STARD9: variants seen among roughly 807,000 people sequenced by gnomAD.
STARD9 encodes the protein stAR-related lipid transfer protein 9.
Under a neutral mutation model 399.8 loss-of-function variants are expected in STARD9, and 346 were observed. The ratio of observed to expected loss-of-function variants is 0.87; its 90% confidence interval spans 0.79 to 0.95. The LOEUF (loss-of-function observed/expected upper bound fraction) is 0.95. Ranked by LOEUF, STARD9 falls within the 40% of genes least tolerant of loss-of-function variation. The probability of loss-of-function intolerance (pLI) is 0.00; values close to 1 mark genes in which losing one functional copy is unlikely to be tolerated. For missense variants in STARD9, 5,832 were observed against 5,667.5 expected (o/e 1.03, Z -0.93); for synonymous variants, 2,203 against 2,143.5 (o/e 1.03, Z -0.77).
chr15:42,635,066 G>T (rs369108934), intron 4 of STARD9, 94 bp downstream of exon 4: 16 of 605,966 alleles, frequency 2.6e-5, no homozygotes, highest in African/African-American at 1.7e-4. Context: ...ATTTCTGTAG[G>T]CAGTCAACTT....
chr15:42,593,208 G>A (rs1290476726), intron 3 of STARD9, among the ~76,000 whole-genome samples: 1 of 152,116 alleles, frequency 6.6e-6, no homozygotes, highest in African/African-American at 2.4e-5. Context: ...TTCTGAATCT[G>A]GTTATGATCC....
rs776100140 is a variant in STARD9, at chr15:42,663,820, C to T, written c.1079C>T (p.Thr360Met). Residue 360 changes from threonine to methionine, a missense_variant and splice_region_variant, in exon 13 of 33, where the codon ACG becomes ATG. Around this residue, in one of 2 missense-constraint regions of STARD9, gnomAD observed 5,828 missense variants for 5,651.1 expected, o/e 1.03. Transcript: ENST00000290607. Reference sequence around the variant, plus strand: ...TTTAAACTTTCTCCTTCTACCTCAGCGGTGTCTCCTGCACACACTAGCTAC... The same window carrying T: ...TTTAAACTTTCTCCTTCTACCTCAGTGGTGTCTCCTGCACACACTAGCTAC... ...GGNSKTIMVA[T>M]VSPAHTSYSE... is the part of the protein sequence containing the mutation. 43 of 1,534,016 alleles carry T rather than the reference C, an allele frequency of 2.8e-5. No homozygotes were observed. The highest frequency in any genetic ancestry group is 1.7e-4 in the Middle Eastern group (1 of 6,008).
intron 7 of STARD9, among the ~76,000 whole-genome samples, chr15:42,650,580 T>C (rs1445268345): frequency 1.3e-5 from 2 of 152,218 alleles, no homozygotes; most frequent in African/African-American, 2.4e-5. Flanking sequence ...TAACTTACCA[T>C]GATTGTAAAC....
chr15:42,587,121 G>T (rs2058292374), intron 3 of STARD9, among the ~76,000 whole-genome samples: 1 of 152,086 alleles, frequency 6.6e-6, no homozygotes, highest in African/African-American at 2.4e-5. Context: ...CTACCAAAGT[G>T]CTGGAATTAT....
chr15:42,662,269 A>G (rs2140097111), intron 10 of STARD9, among the ~76,000 whole-genome samples: 1 of 152,376 alleles, frequency 6.6e-6, no homozygotes, highest in East Asian at 1.9e-4. Context: ...AGAAAGGGTA[A>G]GATGAAATAA....
In STARD9 at chr15:42,637,192, T is replaced by G. The variant is rs2059436826; in HGVS notation, c.352-715T>G. 2.0e-5 allele frequency among the ~76,000 whole-genome samples: 3 copies of G among 152,106 alleles called. No individual in the cohort carries two copies. The South Asian group carries it at 6.2e-4, about 32-fold the overall frequency. The stretch of plus-strand genomic sequence containing the variant: ...GAAACTACCTCTTTCTAAATGTGTT[T>G]TTTTGCTGTTGTTGTTTTTGTTGTT... On this transcript the variant is annotated intron_variant, in intron 4 of 32. Coordinates refer to ENST00000290607, the MANE Select transcript of STARD9 (RefSeq NM_020759.3).
intron 7 of STARD9, among the ~76,000 whole-genome samples, chr15:42,642,996 G>A (rs1265635962): frequency 6.7e-6 from 1 of 149,926 alleles, no homozygotes; most frequent in East Asian, 1.9e-4. Context: ...TAGAGATGGA[G>A]TCTAGCTATG....
intron 7 of STARD9, among the ~76,000 whole-genome samples, chr15:42,641,981 C>A (rs769974629): frequency 6.6e-6 from 1 of 152,168 alleles, no homozygotes; most frequent in Non-Finnish European, 1.5e-5. Flanking sequence ...AGTAGTCACA[C>A]TGAACTATGT....
chr15:42,695,272 T>A lies in STARD9; in HGVS notation c.13095T>A (p.Thr4365=). The A allele has an allele frequency of 5.2e-6, 8 of 1,537,052 alleles. No homozygotes were observed. The highest frequency in any genetic ancestry group is 7.0e-6 in the Non-Finnish European group (8 of 1,146,774). The stretch of plus-strand genomic sequence containing the variant: ...CCCGAGACCAACTGCGGGAGCGGAC[T>A]GAACAAGAGAAGCTGAGAATCCACC... The part of the protein sequence containing the change: ...ARARDQLRER[T]EQEKLRIHQK... The change falls in exon 25 of 33, where the codon ACT becomes ACA. Residue 4365 remains threonine (T), a synonymous_variant. Transcript: ENST00000290607.
intron 6 of STARD9, among the ~76,000 whole-genome samples, 195 bp from the exon 7 acceptor site, chr15:42,638,505 C>G (rs968404895): frequency 6.6e-6 from 1 of 151,652 alleles, no homozygotes; most frequent in Non-Finnish European, 1.5e-5. Context: ...GACTCTGTCT[C>G]AAAAATAAAA....
At position 42,652,596 on chromosome 15, in the gene STARD9, G is replaced by A. The variant is rs772453213; in HGVS notation, c.702+4G>A. ...TTTCACGATCCACTACACGCAGGTT[G>A]GTAACTCCTTATGTTTGGTGAGATT... On this transcript the variant is annotated splice_donor_region_variant and intron_variant, in intron 9 of 32. Transcript: ENST00000290607. The A allele has an allele frequency of 6.5e-7, 1 of 1,536,992 alleles. No homozygotes were observed.
chr15:42,606,398 A>G (rs1253238305), intron 3 of STARD9, among the ~76,000 whole-genome samples: 1 of 152,222 alleles, frequency 6.6e-6, no homozygotes, highest in Non-Finnish European at 1.5e-5. Context: ...AATATAGAAC[A>G]TGTGTTTTCA....
At chr15:42,705,177 A>G (rs1227494673) in intron 26 of STARD9, among the ~76,000 whole-genome samples, 4 of 152,192 alleles carry the variant, frequency 2.6e-5, no homozygotes, top group African/African-American at 7.2e-5. Context: ...TCCTTCTGCC[A>G]TGTGGGCGGT....
In STARD9 at chr15:42,603,636, C is replaced by G. The variant is rs1364771684; in HGVS notation, c.234+17999C>G. On this transcript the variant is annotated intron_variant, in intron 3 of 32. Transcript: ENST00000290607. ...ATCAGTCTCCCCAAATATGTGGAGA[C>G]GAGGGTTTTTAAAGGATAGTTTTGC... Among the ~76,000 whole-genome samples, 3 of 151,824 alleles carry G rather than the reference C, an allele frequency of 2.0e-5. No individual in the cohort carries two copies. The South Asian group carries it at 6.2e-4, about 31-fold the overall frequency.
At chr15:42,710,289 C>G (rs1221392671) in intron 26 of STARD9, among the ~76,000 whole-genome samples, 1 of 150,898 alleles carries the variant, frequency 6.6e-6, no homozygotes, top group Non-Finnish European at 1.5e-5. Flanking sequence ...TGTTGAACTC[C>G]TGGGCTCAAG....
Position 42,674,481 on chromosome 15 carries a change from A to G in STARD9, c.1539A>G (p.Glu513=), listed in dbSNP as rs1195205306. The G allele has an allele frequency of 1.2e-5, 19 of 1,537,042 alleles. No individual in the cohort carries two copies. Among genetic ancestry groups the G allele is most frequent in the Non-Finnish European group, 1.7e-5 (19 of 1,146,810 alleles). Residue 513 remains glutamate, a synonymous_variant, in exon 17 of 33, where the codon GAA becomes GAG. Transcript: ENST00000290607. ...TAGGAAGGATTGACTCAGACCAGGA[A>G]CAGGACATTGGTAAGTGGCAGAGTA... ...TKIGRIDSDQ[E]QDIVLQGQWI... is the part of the protein sequence containing the mutation.
chr15:42,608,514 A>G (rs1253800217), intron 3 of STARD9, among the ~76,000 whole-genome samples: 2 of 152,218 alleles, frequency 1.3e-5, no homozygotes, highest in Non-Finnish European at 2.9e-5. Flanking sequence ...AGTATTAAAA[A>G]CAGGAAATTT....
chr15:42,666,895 A>G (rs1595735331), intron 15 of STARD9, among the ~76,000 whole-genome samples: 1 of 151,626 alleles, frequency 6.6e-6, no homozygotes, highest in Non-Finnish European at 1.5e-5. Context: ...GCTCACTGCA[A>G]CCTCCGCCTT....
intron 3 of STARD9, among the ~76,000 whole-genome samples, chr15:42,628,637 C>T (rs1302682153): frequency 6.6e-6 from 1 of 152,138 alleles, no homozygotes; most frequent in African/African-American, 2.4e-5. Context: ...AAGTTTCATT[C>T]TTCTGCATGT....
Sources: gnomAD v4.1 joint callset for allele counts (sites outside exome capture counted in the v4.1 genomes callset) on GRCh38, gnomAD v4.1.1 for gene constraint, gnomAD v4.1.1 regional missense constraint, MANE v1.5 for transcripts, NCBI Gene and HGNC (gene_info 2026-07-23, HGNC 2026-07-21) for gene names.